RECK: variants seen among roughly 807,000 people sequenced by gnomAD.
The protein encoded by RECK is reversion inducing cysteine rich protein with kazal motifs.
A neutral mutation model predicts 115.1 loss-of-function variants in RECK; 69 were observed. The ratio of observed to expected loss-of-function variants is 0.60; its 90% CI spans 0.49 to 0.73. The LOEUF (loss-of-function observed/expected upper bound fraction) is 0.73, where lower values mean the gene tolerates loss of function less well. RECK is among the 30% of genes least tolerant of loss of function. The pLI is 0.00. For missense variants in RECK, 1,047 were observed against 1,203.7 expected, an observed-to-expected ratio of 0.87 and a Z score of 1.93; for synonymous variants, 414 against 419.7, an observed-to-expected ratio of 0.99 and a Z score of 0.17.
At chr9:36,080,786 A>C in intron 7 of RECK, 148 bp downstream of exon 7, 1 of 696,194 alleles carries the variant, frequency 1.4e-6, no homozygotes. Flanking sequence ...TCTTAACTGT[A>C]GATCTACAAT....
intron 1 of RECK, among the ~76,000 whole-genome samples, chr9:36,045,475 T>A (rs1247204000): frequency 6.6e-6 from 1 of 152,084 alleles, no homozygotes; most frequent in Non-Finnish European, 1.5e-5. Flanking sequence ...AAGTGTGTAA[T>A]ACACACTCAA....
chr9:36,038,429 A>G (rs1047086829), intron 1 of RECK, among the ~76,000 whole-genome samples: 6 of 152,148 alleles, frequency 3.9e-5, no homozygotes, highest in Non-Finnish European at 7.4e-5. Flanking sequence ...CCTGGGCCCC[A>G]TTTTTCTCCC....
At chr9:36,047,475 G>A (rs1009323092) in intron 1 of RECK, among the ~76,000 whole-genome samples, 3 of 152,028 alleles carry the variant, frequency 2.0e-5, no homozygotes, top group African/African-American at 7.2e-5. Flanking sequence ...GCATGGTGGT[G>A]CATGCCTGTA....
chr9:36,049,869 A>G (rs1372049123), intron 1 of RECK, among the ~76,000 whole-genome samples: 2 of 152,260 alleles, frequency 1.3e-5, no homozygotes, highest in African/African-American at 2.4e-5. Context: ...ATTTAAGGTC[A>G]TCATCAATAT....
intron 17 of RECK, among the ~76,000 whole-genome samples, chr9:36,117,928 C>T (rs953964245): frequency 2.6e-5 from 4 of 152,038 alleles, no homozygotes; most frequent in Non-Finnish European, 5.9e-5. Flanking sequence ...TGCAGTGAGC[C>T]GAGATCATGC....
chr9:36,065,653 A>G (rs369607840), intron 6 of RECK, 29 bp downstream of exon 6: 13 of 1,508,768 alleles, frequency 8.6e-6, no homozygotes, highest in Non-Finnish European at 1.2e-5. Flanking sequence ...AAATGTGGAT[A>G]GCCTATTCAG....
chr9:36,044,688 A>G (rs962455333), intron 1 of RECK, among the ~76,000 whole-genome samples: 6 of 152,188 alleles, frequency 3.9e-5, no homozygotes, highest in African/African-American at 1.4e-4. Context: ...AAACATCAAC[A>G]TGGCCTAGAG....
chr9:36,088,030 G>T, intron 9 of RECK, 69 bp downstream of exon 9: 2 of 1,156,900 alleles, frequency 1.7e-6, no homozygotes, highest in South Asian at 2.8e-5. Flanking sequence ...TTTAAGCCTA[G>T]CAAACGTGTG....
chr9:36,085,212 G>T, intron 8 of RECK: 1 of 241,724 alleles, frequency 4.1e-6, no homozygotes, highest in Non-Finnish European at 9.0e-6. Flanking sequence ...TATTACTTTT[G>T]TAATTAAAAA....
Position 36,118,916 on chromosome 9 carries a change from G to A in RECK, c.2413G>A (p.Val805Ile). The A allele has an allele frequency of 6.2e-7, 1 of 1,613,534 alleles. No homozygotes were observed. The highest frequency in any genetic ancestry group is 1.1e-5 in the South Asian group (1 of 91,048). ...CAGCTCCGTCGCCGAGTGTGCTTCT[G>A]TCAAGTGTCCTTCGCTCTTGGCAGC... ...EHSSVAECASVKCPSLLAAGC... is the reference protein window; with the variant it reads ...EHSSVAECASIKCPSLLAAGC... Residue 805 changes from valine to isoleucine, a missense_variant, in exon 18 of 21, where the codon GTC becomes ATC. Transcript: ENST00000377966.
intron 16 of RECK, among the ~76,000 whole-genome samples, chr9:36,112,902 C>G (rs1824117843): frequency 6.6e-6 from 1 of 152,042 alleles, no homozygotes; most frequent in African/African-American, 2.4e-5. Context: ...AAGACTGAAA[C>G]AGAAAAGGTA....
rs1404637124 is a variant in RECK at position 36,124,338 on chromosome 9, A to AATAT, written c.*1294_*1297dup. The AATAT allele has an allele frequency of 1.3e-5, 2 of 152,642 alleles. No individual in the cohort carries two copies. Among genetic ancestry groups the AATAT allele is most frequent in the Non-Finnish European group, 2.9e-5 (2 of 68,036 alleles). The allele number at this position is 152,642 out of a possible 1,614,324, so 9.5% of individuals were successfully genotyped here. A position where few individuals can be genotyped will look rare whatever the true frequency, so the allele number is the denominator to read the frequency against. On this transcript the variant is annotated 3_prime_UTR_variant, in exon 21 of 21. Coordinates refer to ENST00000377966, the MANE Select transcript of RECK (RefSeq NM_021111.3). ...AAAAATGGGCACTTAAAGCTTTCAG[A>AATAT]ATATGTCAGTGCTGATGTAGCATGC... is the stretch of plus-strand genomic sequence containing the variant.
At position 36,105,146 on chromosome 9, in the gene RECK, C is replaced by G; in HGVS notation, c.1439C>G (p.Pro480Arg). 6.2e-7 allele frequency: 1 copy of G among 1,613,366 alleles called. No homozygotes were observed. Among genetic ancestry groups the G allele is most frequent in the Non-Finnish European group, 8.5e-7 (1 of 1,179,734 alleles). The change falls in exon 13 of 21, where the codon CCA becomes CGA. Residue 480 changes from proline (P) to arginine (R), a missense_variant. Coordinates refer to ENST00000377966, the MANE Select transcript of RECK (RefSeq NM_021111.3). ...NCIPLDTYLR[P>R]STLGNIVEEV... The stretch of plus-strand genomic sequence containing the variant: ...TAATCTGTTTTGGTTTTTTCAGGGC[C>G]AAGTACTTTAGGTAACATTGTAGAA...
intron 7 of RECK, 87 bp downstream of exon 7, chr9:36,080,725 C>A: frequency 8.4e-7 from 1 of 1,191,064 alleles, no homozygotes; most frequent in Non-Finnish European, 1.2e-6. Flanking sequence ...TTCCGATAGG[C>A]TCTTTCCCAT....
intron 1 of RECK, among the ~76,000 whole-genome samples, chr9:36,046,260 TG>T (rs1298852295): frequency 6.6e-6 from 1 of 152,206 alleles, no homozygotes; most frequent in African/African-American, 2.4e-5. Flanking sequence ...TGTTTTGTTT[TG>T]TTGTATTGTA....
At chr9:36,051,079 CTT>C (rs1440065724) in intron 1 of RECK, among the ~76,000 whole-genome samples, 1 of 152,026 alleles carries the variant, frequency 6.6e-6, no homozygotes, top group African/African-American at 2.4e-5. Context: ...AGAGAACAGA[CTT>C]ATGTTTTTTT....
intron 16 of RECK, among the ~76,000 whole-genome samples, chr9:36,116,373 C>T (rs1483147912): frequency 2.0e-5 from 3 of 152,140 alleles, no homozygotes; most frequent in South Asian, 2.1e-4. Context: ...GTGATCCACC[C>T]GCCTCGGCCT....
At chr9:36,065,926 G>A (rs1821978562) in intron 6 of RECK, among the ~76,000 whole-genome samples, 1 of 152,042 alleles carries the variant, frequency 6.6e-6, no homozygotes, top group African/African-American at 2.4e-5. Context: ...AGTTTTTCTC[G>A]TGTTTCATGT....
At chr9:36,106,350 T>C (rs112623046) in intron 13 of RECK, among the ~76,000 whole-genome samples, 3,333 of 150,426 alleles carry the variant, frequency 0.022, 124 homozygotes, top group African/African-American at 0.077. Flanking sequence ...TTCTCCTGCC[T>C]CAGCCTCCCA....
Sources: gnomAD v4.1 joint callset for allele counts (sites outside exome capture counted in the v4.1 genomes callset) on GRCh38, gnomAD v4.1.1 for gene constraint, MANE v1.5 for transcripts, NCBI Gene and HGNC (gene_info 2026-07-23, HGNC 2026-07-21) for gene names.